The following TTBK2 variants were observed in gnomAD, a reference collection of about 807,000 sequenced individuals.
TTBK2 encodes tau tubulin kinase 2.
TTBK2 carries 28 observed loss-of-function variants against 110.8 expected under a neutral mutation model. That is an observed-to-expected ratio of 0.25 (90% CI 0.19 to 0.35). The LOEUF is 0.35. Ranked by LOEUF, TTBK2 falls within the 10% of genes least tolerant of loss-of-function variation. TTBK2 has a pLI of 1.00. For missense variants in TTBK2, 1,369 were observed against 1,500.3 expected (o/e 0.91, Z 1.45); for synonymous variants, 532 against 527.3 (o/e 1.01, Z -0.12).
intron 1 of TTBK2, among the ~76,000 whole-genome samples, chr15:42,888,140 T>C (rs1207377042): frequency 6.6e-6 from 1 of 152,120 alleles, no homozygotes; most frequent in Non-Finnish European, 1.5e-5. Context: ...CACCACTGCT[T>C]TAATACTTTT....
intron 4 of TTBK2, among the ~76,000 whole-genome samples, chr15:42,830,579 T>C (rs543714311): frequency 4.6e-5 from 7 of 152,296 alleles, no homozygotes; most frequent in African/African-American, 1.7e-4. Flanking sequence ...AAAAACCAGA[T>C]TTTTAGCATA....
intron 13 of TTBK2, among the ~76,000 whole-genome samples, chr15:42,757,964 G>A (rs1313633613): frequency 1.3e-5 from 2 of 152,160 alleles, no homozygotes; most frequent in African/African-American, 4.8e-5. Context: ...TTCAGGTAAA[G>A]CAGCCTCACT....
At chr15:42,825,282 C>T (rs1051456180) in intron 6 of TTBK2, among the ~76,000 whole-genome samples, 4 of 152,028 alleles carry the variant, frequency 2.6e-5, no homozygotes, top group African/African-American at 4.8e-5. Flanking sequence ...AAAACAAGTA[C>T]CCTCAAGATC....
chr15:42,919,896 T>G, intron 1 of TTBK2: 1 of 797,614 alleles, frequency 1.3e-6, no homozygotes, highest in Non-Finnish European at 1.5e-6. Context: ...CATCCCAGGG[T>G]GTCAACATCA....
chr15:42,822,397 C>T (rs1294170148), intron 6 of TTBK2, among the ~76,000 whole-genome samples: 2 of 151,710 alleles, frequency 1.3e-5, no homozygotes, highest in African/African-American at 2.4e-5. Context: ...AATCTATGAG[C>T]ATATTTTATT....
Position 42,753,033 on chromosome 15 carries a change from C to A in TTBK2, c.2213G>T (p.Gly738Val). ...TCTAATGTTGGGTAACATGTCATGACCAATGTGATCTATCTGAAGCCCCAA... is the reference window on the plus strand; with the variant it reads ...TCTAATGTTGGGTAACATGTCATGAACAATGTGATCTATCTGAAGCCCCAA... ...TDLGLQIDHIGHDMLPNIRES... is the reference protein window; with the variant it reads ...TDLGLQIDHIVHDMLPNIRES... Residue 738 changes from glycine to valine, a missense_variant, in exon 14 of 15, where the codon GGT becomes GTT. This residue lies in a region of TTBK2 where 1,097 missense variants were observed against 1,114.7 expected (regional missense o/e 0.98). Transcript: ENST00000267890. 6.2e-7 allele frequency: 1 copy of A among 1,613,924 alleles called. No individual in the cohort carries two copies.
intron 3 of TTBK2, among the ~76,000 whole-genome samples, chr15:42,867,009 C>T (rs1894396997): frequency 6.6e-6 from 1 of 152,082 alleles, no homozygotes; most frequent in Non-Finnish European, 1.5e-5. Flanking sequence ...CTTTGAGAGG[C>T]CGAGGCGGGC....
At chr15:42,893,335 A>T (rs1041791772) in intron 1 of TTBK2, among the ~76,000 whole-genome samples, 6 of 152,064 alleles carry the variant, frequency 3.9e-5, no homozygotes, top group African/African-American at 9.6e-5. Flanking sequence ...TACTACAAAA[A>T]TTTTTTTAAA....
At chr15:42,877,748 G>A (rs1894868718) in intron 2 of TTBK2, among the ~76,000 whole-genome samples, 1 of 152,072 alleles carries the variant, frequency 6.6e-6, no homozygotes, top group African/African-American at 2.4e-5. Context: ...ACACAATCTT[G>A]GGGGAGGAGT....
intron 6 of TTBK2, among the ~76,000 whole-genome samples, chr15:42,822,132 T>C (rs1466945988): frequency 6.6e-6 from 1 of 152,244 alleles, no homozygotes; most frequent in Non-Finnish European, 1.5e-5. Flanking sequence ...TGTTTTCTTT[T>C]TATTGAGTTG....
At chr15:42,848,921 T>C (rs1595981520) in intron 3 of TTBK2, among the ~76,000 whole-genome samples, 1 of 152,276 alleles carries the variant, frequency 6.6e-6, no homozygotes, top group East Asian at 1.9e-4. Flanking sequence ...TGGCCTGATC[T>C]TGTATCACTT....
rs67175582 is a variant in TTBK2, at chr15:42,815,946, AT to A, written c.603+1085del. ...TATATTTAAAAATATATATATATATATTTAAAAAAAAAATATATATATATAT... is the reference window on the plus strand; with the variant it reads ...TATATTTAAAAATATATATATATATATTAAAAAAAAAATATATATATATAT... On this transcript the variant is annotated intron_variant, in intron 7 of 14. Coordinates refer to ENST00000267890, the MANE Select transcript of TTBK2 (RefSeq NM_173500.4). Among the ~76,000 whole-genome samples the A allele has an allele frequency of 4.5e-4, 11 of 24,580 alleles. 1 individual carries two copies. The highest frequency in any genetic ancestry group is 2.1e-3 in the South Asian group (1 of 470). The allele number at this position is 24,580 out of a possible 152,430, so 16.1% of individuals were successfully genotyped here. A position where few individuals can be genotyped will look rare whatever the true frequency, so the allele number is the denominator to read the frequency against.
At chr15:42,792,545 G>A (rs1188705191) in intron 10 of TTBK2, among the ~76,000 whole-genome samples, 6 of 151,968 alleles carry the variant, frequency 3.9e-5, no homozygotes, top group Non-Finnish European at 8.8e-5. Context: ...TATTAGCATG[G>A]GTTTAGTCTT....
In TTBK2 at chr15:42,915,764, T is replaced by C. The variant is rs115734183; in HGVS notation, c.-68+4674A>G. Among the ~76,000 whole-genome samples, 891 of 151,904 alleles carry C rather than the reference T, an allele frequency of 5.9e-3. 11 individuals carry two copies. Among genetic ancestry groups the C allele is most frequent in the African/African-American group, 0.02 (844 of 41,414 alleles). On this transcript the variant is annotated intron_variant, in intron 1 of 14. Transcript: ENST00000267890. ...GAGTTCAAGACCAGCCTGGGCAACA[T>C]AGTGGGACCCCACCTATACAAAAAA...
chr15:42,753,560 T>A (rs993126500), intron 13 of TTBK2, among the ~76,000 whole-genome samples: 3 of 152,158 alleles, frequency 2.0e-5, no homozygotes, highest in Non-Finnish European at 4.4e-5. Flanking sequence ...TGATTTGTGG[T>A]TAGATCTGCT....
At chr15:42,883,276 G>A (rs1186580581) in intron 1 of TTBK2, among the ~76,000 whole-genome samples, 2 of 151,714 alleles carry the variant, frequency 1.3e-5, no homozygotes, top group Non-Finnish European at 2.9e-5. Flanking sequence ...AGCTACTCGG[G>A]AGGCTGAGGC....
intron 13 of TTBK2, among the ~76,000 whole-genome samples, 188 bp from the exon 14 acceptor site, chr15:42,753,435 G>T (rs1425820667): frequency 6.6e-6 from 1 of 152,172 alleles, no homozygotes; most frequent in Non-Finnish European, 1.5e-5. Context: ...ACCCTACTCA[G>T]AAACTGTGCA....
chr15:42,789,780 T>C (rs1005570825), intron 10 of TTBK2, among the ~76,000 whole-genome samples: 3 of 151,756 alleles, frequency 2.0e-5, no homozygotes, highest in African/African-American at 4.8e-5. Flanking sequence ...TAGTCCATTA[T>C]GTGTGTGTGT....
rs146205078 is a variant in TTBK2 at position 42,799,348 on chromosome 15, C to T, written c.823-4547G>A. On this transcript the variant is annotated intron_variant, in intron 9 of 14. Coordinates refer to ENST00000267890, the MANE Select transcript of TTBK2 (RefSeq NM_173500.4). ...TCATGCTGCTGCACTCCAGCCTGGG[C>T]GACAGAGTGAGACTCCGTCTCAAAA... 5.0e-3 allele frequency among the ~76,000 whole-genome samples: 760 copies of T among 151,820 alleles called. 8 individuals carry two copies. Among genetic ancestry groups the T allele is most frequent in the African/African-American group, 0.018 (731 of 41,424 alleles).
Sources: gnomAD v4.1 joint callset for allele counts (sites outside exome capture counted in the v4.1 genomes callset) on GRCh38, gnomAD v4.1.1 for gene constraint, gnomAD v4.1.1 regional missense constraint, MANE v1.5 for transcripts, NCBI Gene and HGNC (gene_info 2026-07-23, HGNC 2026-07-21) for gene names.